Variants in SPTBN2 observed in about 807,000 individuals in gnomAD.
SPTBN2 encodes the protein spectrin beta, non-erythrocytic 2, also known as spectrin beta chain, non-erythrocytic 2.
Under a neutral mutation model 284.2 loss-of-function variants are expected in SPTBN2, and 107 were observed. The observed-to-expected ratio is 0.38, with a 90% CI of 0.32 to 0.44. The LOEUF is 0.44. SPTBN2 is among the 20% of genes least tolerant of loss of function. SPTBN2 has a pLI of 1.00. For missense variants in SPTBN2, 2,569 were observed against 3,287.1 expected, an observed-to-expected ratio of 0.78 and a Z score of 5.34; for synonymous variants, 1,289 against 1,354.8, an observed-to-expected ratio of 0.95 and a Z score of 1.07.
At chr11:66,689,567 G>A (rs975036581) in intron 29 of SPTBN2, among the ~76,000 whole-genome samples, 1 of 152,076 alleles carries the variant, frequency 6.6e-6, no homozygotes, top group Non-Finnish European at 1.5e-5. Flanking sequence ...GCCTCCCAAA[G>A]TGCTGGGATT....
At chr11:66,701,970 G>A (rs1413133765) in intron 15 of SPTBN2, among the ~76,000 whole-genome samples, 1 of 152,128 alleles carries the variant, frequency 6.6e-6, no homozygotes, top group African/African-American at 2.4e-5. Flanking sequence ...GAAAGGTAAA[G>A]GTCAGGAACA....
At chr11:66,716,094 C>G (rs1413532612) in intron 3 of SPTBN2, 113 bp from the exon 4 acceptor site, 8 of 1,422,022 alleles carry the variant, frequency 5.6e-6, no homozygotes, top group Non-Finnish European at 7.9e-6. Context: ...AAGCGGGGTC[C>G]TCTAAGGAGG....
chr11:66,725,449 T>C (rs1355794272), intron 1 of SPTBN2, among the ~76,000 whole-genome samples: 1 of 152,168 alleles, frequency 6.6e-6, no homozygotes, highest in Non-Finnish European at 1.5e-5. Flanking sequence ...CCAGCGCTGG[T>C]TTCTTGCCAC....
Position 66,689,925 on chromosome 11 carries a change from A to T in SPTBN2, c.5829T>A (p.Asp1943Glu), listed in dbSNP as rs915750782. The change falls in exon 29 of 38, where the codon GAT (aspartate) becomes GAA (glutamate). Residue 1943 changes from aspartate to glutamate, a missense_variant. Transcript: ENST00000533211. ...QERPRDVSSADLVIKNQQGIK... is the reference protein window; with the variant it reads ...QERPRDVSSAELVIKNQQGIK... ...TGCCTTGCTGGTTCTTGATGACTAG[A>T]TCCGCGGAGGACACATCCCTGGGGG... 6.2e-7 allele frequency: 1 copy of T among 1,613,702 alleles called. No homozygotes were observed. Among genetic ancestry groups the T allele is most frequent in the Non-Finnish European group, 8.5e-7 (1 of 1,179,980 alleles).
Position 66,710,976 on chromosome 11 carries a change from A to G in SPTBN2, c.826T>C (p.Tyr276His), listed in dbSNP as rs1941828950. The change falls in exon 9 of 38, where the codon TAC (tyrosine) becomes CAC (histidine). Residue 276 changes from tyrosine to histidine, a missense_variant. Tyr to His is a moderately conservative substitution (Grantham distance 83). Coordinates refer to ENST00000533211, the MANE Select transcript of SPTBN2 (RefSeq NM_006946.4). This position sits in a 1 kb window ranked among gnomAD's most constrained non-coding sequence, Gnocchi z 4.9. ...TTCATCTTGGAGAAGTAATGGTAGT[A>G]AGTAGCCACATAGGTAATGATTGAC... ...EKSIITYVAT[Y>H]YHYFSKMKAL... The G allele has an allele frequency of 1.9e-6, 3 of 1,614,128 alleles. No individual in the cohort carries two copies. The highest frequency in any genetic ancestry group is 1.3e-5 in the African/African-American group (1 of 74,958).
In SPTBN2 at chr11:66,685,935, C is replaced by G; in HGVS notation, c.7109G>C (p.Arg2370Pro). The G allele has an allele frequency of 1.9e-6, 3 of 1,613,924 alleles. No individual in the cohort carries two copies. Among genetic ancestry groups the G allele is most frequent in the Non-Finnish European group, 1.7e-6 (2 of 1,180,034 alleles). ...PVGAEGPVVL[R>P]SKDGRERERE... ...CTCTCGTTCTCTGCCGTCTTTGCTG[C>G]GGAGCACAACAGGCCCCTCAGCCCC... The change falls in exon 38 of 38, where the codon CGC becomes CCC. Residue 2370 changes from arginine to proline, a missense_variant. Coordinates refer to ENST00000533211, the MANE Select transcript of SPTBN2 (RefSeq NM_006946.4). The surrounding 1 kb of genome is among the most constrained non-coding windows in gnomAD (Gnocchi z 4.4).
chr11:66,727,400 C>G (rs1398730979), intron 1 of SPTBN2, among the ~76,000 whole-genome samples: 1 of 152,182 alleles, frequency 6.6e-6, no homozygotes, highest in Non-Finnish European at 1.5e-5. Flanking sequence ...CAAACCTGCA[C>G]CTCACACAAG....
At chr11:66,743,565 G>T (rs1205688122) in intron 1 of SPTBN2, among the ~76,000 whole-genome samples, 1 of 152,172 alleles carries the variant, frequency 6.6e-6, no homozygotes, top group African/African-American at 2.4e-5. Context: ...GCAGTTATAG[G>T]CTTAAGCCCC....
chr11:66,683,015 A>G lies in SPTBN2; in HGVS notation c.*2856T>C, dbSNP rs1939885908. On this transcript the variant is annotated 3_prime_UTR_variant, in exon 38 of 38. Coordinates refer to ENST00000533211, the MANE Select transcript of SPTBN2 (RefSeq NM_006946.4). ...GTGACCCACTCACCTCGGCTTCCCA[A>G]AGTGCTGGGATTATAAGCGTGAACC... Among the ~76,000 whole-genome samples, 1 of 151,510 alleles carries G rather than the reference A, an allele frequency of 6.6e-6. No individual in the cohort carries two copies. Among genetic ancestry groups the G allele is most frequent in the South Asian group, 2.1e-4 (1 of 4,798 alleles).
At position 66,697,716 on chromosome 11, in the gene SPTBN2, C is replaced by A. The variant is rs76965049; in HGVS notation, c.4014+923G>T. On this transcript the variant is annotated intron_variant, in intron 20 of 37. Transcript: ENST00000533211. ...CCCCAGGCTTCAACGGGGCCACTCT[C>A]ACAGCACTCATCAGATTCTGCTCTG... Among the ~76,000 whole-genome samples, 403 of 152,320 alleles carry A rather than the reference C, an allele frequency of 2.6e-3. 1 individual carries two copies. The highest frequency in any genetic ancestry group is 9.3e-3 in the African/African-American group (388 of 41,564).
chr11:66,724,069 A>C (rs1727974809), intron 1 of SPTBN2, among the ~76,000 whole-genome samples: 2 of 152,254 alleles, frequency 1.3e-5, no homozygotes, highest in Admixed American at 6.5e-5. Flanking sequence ...AGGAGTCACA[A>C]ACTTACCAAG....
At chr11:66,737,394 T>A (rs1942861480) in intron 1 of SPTBN2, among the ~76,000 whole-genome samples, 1 of 152,162 alleles carries the variant, frequency 6.6e-6, no homozygotes. Flanking sequence ...TATAATACAA[T>A]CATTCAGGCC....
intron 1 of SPTBN2, among the ~76,000 whole-genome samples, chr11:66,741,362 C>T (rs1449123189): frequency 6.6e-6 from 1 of 152,222 alleles, no homozygotes; most frequent in African/African-American, 2.4e-5. Context: ...CTGTTTACTT[C>T]CCCTTCTGCC....
upstream of SPTBN2, among the ~76,000 whole-genome samples, chr11:66,730,100 C>T (rs908351883): frequency 6.6e-6 from 1 of 152,040 alleles, no homozygotes; most frequent in Non-Finnish European, 1.5e-5. Context: ...CCGTGCCAGG[C>T]CTGAGGCTAT....
At chr11:66,728,316 G>A (rs1041046846) in intron 1 of SPTBN2, 4 of 145,496 alleles carry the variant, frequency 2.7e-5, no homozygotes, top group Non-Finnish European at 6.1e-5. Context: ...CGCAGGCGGC[G>A]CGGGGGGCGC....
At chr11:66,689,214 C>A (rs752129436) in intron 29 of SPTBN2, 34 bp from the exon 30 acceptor site, 3 of 1,584,872 alleles carry the variant, frequency 1.9e-6, no homozygotes, top group South Asian at 2.3e-5. Flanking sequence ...GAGTTAGCAC[C>A]AGGATGTGAG....
chr11:66,721,226 C>T lies in SPTBN2; in HGVS notation c.15G>A (p.Leu5=). ...CCAAGCTGTCAAAGTCTGTGGGTGA[C>T]AGCGTGCTGCTCATGGTGGTAGGCG... The part of the protein sequence containing the change: MSST[L]SPTDFDSLEI... The change falls in exon 3 of 38, where the codon CTG becomes CTA. Residue 5 remains leucine (L), a synonymous_variant. Coordinates refer to ENST00000533211, the MANE Select transcript of SPTBN2 (RefSeq NM_006946.4). 3 of 1,614,160 alleles carry T rather than the reference C, an allele frequency of 1.9e-6. No individual in the cohort carries two copies. Among genetic ancestry groups the T allele is most frequent in the Non-Finnish European group, 2.5e-6 (3 of 1,180,036 alleles).
rs185481892 is a variant in SPTBN2, at chr11:66,693,966, G to T, written c.4504-105C>A. The T allele has an allele frequency of 2.0e-5, 26 of 1,319,514 alleles. No homozygotes were observed. In the East Asian group the frequency reaches 4.9e-4, roughly 25 times the overall value. The allele number at this position is 1,319,514 out of a possible 1,614,324, so 81.7% of individuals were successfully genotyped here. On this transcript the variant is annotated intron_variant, in intron 22 of 37. Transcript: ENST00000533211. This position sits in a 1 kb window ranked among gnomAD's most constrained non-coding sequence, Gnocchi z 5.7. Reference sequence around the variant, plus strand: ...CTGGGGCTACCGCCCTGTGTGTGGGGAACAGTCATCTCTGGTTCTGGGAGG... The same window carrying T: ...CTGGGGCTACCGCCCTGTGTGTGGGTAACAGTCATCTCTGGTTCTGGGAGG...
At position 66,685,657 on chromosome 11, in the gene SPTBN2, G is replaced by T; in HGVS notation, c.*214C>A. On this transcript the variant is annotated 3_prime_UTR_variant, in exon 38 of 38. Coordinates refer to ENST00000533211, the MANE Select transcript of SPTBN2 (RefSeq NM_006946.4). This position sits in a 1 kb window ranked among gnomAD's most constrained non-coding sequence, Gnocchi z 4.4. ...GCGGGGGTGGGAGAGGGGGTTACCT[G>T]GGTCCCACCACCAGTCTGGAATTAA... is the stretch of plus-strand genomic sequence containing the variant. The T allele has an allele frequency of 1.7e-6, 1 of 583,866 alleles. No homozygotes were observed. The highest frequency in any genetic ancestry group is 3.1e-6 in the Non-Finnish European group (1 of 324,628). 36.2% of individuals were successfully genotyped at this position (583,866 alleles called of 1,614,324 possible). A position where few individuals can be genotyped will look rare whatever the true frequency, so the allele number is the denominator to read the frequency against.
Sources: allele counts gnomAD v4.1 joint callset (sites outside exome capture counted in the v4.1 genomes callset), GRCh38; gene constraint gnomAD v4.1.1; non-coding constraint Gnocchi (gnomAD v3.1); transcripts MANE v1.5; gene names NCBI Gene and HGNC (gene_info 2026-07-23, HGNC 2026-07-21).